SETD7: variants seen among roughly 807,000 people sequenced by gnomAD.
SETD7 encodes the protein histone-lysine N-methyltransferase SETD7.
SETD7 carries 16 observed loss-of-function variants against 41.8 expected under a neutral mutation model. That is an observed-to-expected ratio of 0.38 (90% CI 0.26 to 0.58). The LOEUF (loss-of-function observed/expected upper bound fraction) is 0.58. Ranked by LOEUF, SETD7 falls within the 20% of genes least tolerant of loss-of-function variation. The pLI is 0.64. For synonymous variants in SETD7, 163 were observed against 169.7 expected, an observed-to-expected ratio of 0.96 and a Z score of 0.31; for missense variants, 346 against 459.7, an observed-to-expected ratio of 0.75 and a Z score of 2.26.
In SETD7 at chr4:139,513,272, T is replaced by G. The variant is rs149618910; in HGVS notation, c.921-1429A>C. On this transcript the variant is annotated intron_variant, in intron 7 of 7. Coordinates refer to ENST00000274031, the MANE Select transcript of SETD7 (RefSeq NM_030648.4). ...CCATCTCTACTAAAAATGCAAAAAT[T>G]AGCTGGGTGTGGTGGCGCACACCTG... Among the ~76,000 whole-genome samples the G allele has an allele frequency of 3.0e-4, 46 of 151,770 alleles. No individual in the cohort carries two copies. The East Asian group carries it at 9.1e-3, about 30-fold the overall frequency.
At chr4:139,553,967 A>G (rs1218318006) in intron 1 of SETD7, among the ~76,000 whole-genome samples, 2 of 152,236 alleles carry the variant, frequency 1.3e-5, no homozygotes, top group African/African-American at 4.8e-5. Flanking sequence ...ACGCACAGGT[A>G]CGGTTTACTG....
exon 8 of SETD7, chr4:139,496,233 T>C (rs1405003000): frequency 3.7e-6 from 2 of 544,242 alleles, no homozygotes; most frequent in Non-Finnish European, 6.5e-6. Context: ...TTATTAGGTA[T>C]CTCTTTTCAG....
intron 5 of SETD7, among the ~76,000 whole-genome samples, chr4:139,520,904 C>A (rs998188634): frequency 2.6e-5 from 4 of 152,142 alleles, no homozygotes; most frequent in African/African-American, 9.7e-5. Flanking sequence ...GGGTTCATAA[C>A]AGGGGTCAGT....
At chr4:139,530,329 T>C (rs1727447020) in intron 3 of SETD7, among the ~76,000 whole-genome samples, 1 of 149,204 alleles carries the variant, frequency 6.7e-6, no homozygotes, top group South Asian at 2.1e-4. Flanking sequence ...TGATGTAGGA[T>C]GACTTTTGAG....
At chr4:139,543,886 C>A (rs1026171603) in intron 2 of SETD7, among the ~76,000 whole-genome samples, 1 of 151,866 alleles carries the variant, frequency 6.6e-6, no homozygotes, top group African/African-American at 2.4e-5. Flanking sequence ...ATGGTGTGAA[C>A]CCAGGAGGCG....
chr4:139,537,063 C>A (rs531242860), intron 2 of SETD7, among the ~76,000 whole-genome samples: 13 of 152,306 alleles, frequency 8.5e-5, no homozygotes, highest in African/African-American at 3.1e-4. Flanking sequence ...GCAACCTCTG[C>A]CTCCTAGGTT....
Position 139,511,631 on chromosome 4 carries a change from T to C in SETD7, c.*32A>G. 6.2e-7 allele frequency: 1 copy of C among 1,613,030 alleles called. No homozygotes were observed. Among genetic ancestry groups the C allele is most frequent in the Non-Finnish European group, 8.5e-7 (1 of 1,179,800 alleles). On this transcript the variant is annotated 3_prime_UTR_variant, in exon 8 of 8. Transcript: ENST00000274031. ...CGTAGTGCATAGATCCAAGTTTCTA[T>C]TCCAGGTCTCTGAACCCCAAAGCCA... is the stretch of plus-strand genomic sequence containing the variant.
chr4:139,524,044 A>ATCC (rs996176858), intron 4 of SETD7, among the ~76,000 whole-genome samples: 74 of 152,338 alleles, frequency 4.9e-4, no homozygotes, highest in African/African-American at 1.7e-3. Context: ...GCTTTAGAGA[A>ATCC]TCCTCACAGA....
chr4:139,498,949 A>T (rs1726518046), intron 7 of SETD7, among the ~76,000 whole-genome samples: 1 of 152,204 alleles, frequency 6.6e-6, no homozygotes, highest in South Asian at 2.1e-4. Flanking sequence ...TGTCTCTTTT[A>T]CAAATACAAA....
chr4:139,515,332 AAACT>A (rs1481140351), intron 7 of SETD7, among the ~76,000 whole-genome samples: 14 of 152,222 alleles, frequency 9.2e-5, no homozygotes, highest in African/African-American at 2.9e-4. Flanking sequence ...GCTTGCAAAC[AAACT>A]AACAAACAAC....
Position 139,533,471 on chromosome 4 carries a change from G to A in SETD7, c.171-105C>T. On this transcript the variant is annotated intron_variant, in intron 2 of 7. Transcript: ENST00000274031. ...CTGCATGCCCAGCTGTGTCAGCCCTGACATGGATTCAGCGCAGCCTCCTAA... is the reference window on the plus strand; with the variant it reads ...CTGCATGCCCAGCTGTGTCAGCCCTAACATGGATTCAGCGCAGCCTCCTAA... 6 of 968,600 alleles carry A rather than the reference G, an allele frequency of 6.2e-6. No individual in the cohort carries two copies. In the South Asian group the frequency reaches 7.7e-5, roughly 12 times the overall value. 60.0% of individuals were successfully genotyped at this position (968,600 alleles called of 1,614,324 possible). A position where few individuals can be genotyped will look rare whatever the true frequency, so the allele number is the denominator to read the frequency against.
Position 139,497,209 on chromosome 4 carries a change from C to T in SETD7, c.921-688G>A, listed in dbSNP as rs1481855071. Among the ~76,000 whole-genome samples the T allele has an allele frequency of 2.6e-5, 4 of 152,156 alleles. No individual in the cohort carries two copies. In the South Asian group the frequency reaches 6.2e-4, roughly 24 times the overall value. On this transcript the variant is annotated intron_variant, in intron 7 of 7. Transcript: ENST00000506866. ...GTGGCTCACGCCTGTAATCCCAGCACTTTGGGAGGCCGAGGTGGGCGAATC... is the reference window on the plus strand; with the variant it reads ...GTGGCTCACGCCTGTAATCCCAGCATTTTGGGAGGCCGAGGTGGGCGAATC...
intron 2 of SETD7, 124 bp from the exon 3 acceptor site, chr4:139,533,490 C>A: frequency 1.3e-6 from 1 of 770,798 alleles, no homozygotes; most frequent in East Asian, 2.7e-5. Context: ...TCAGCGCAGC[C>A]TCCTAAATTA....
chr4:139,500,715 G>A (rs945190012), intron 7 of SETD7, among the ~76,000 whole-genome samples: 1 of 152,194 alleles, frequency 6.6e-6, no homozygotes, highest in African/African-American at 2.4e-5. Context: ...TGCCATGTTG[G>A]CAAGGCTGGT....
rs771610750 is a variant in SETD7 at position 139,520,359 on chromosome 4, C to T, written c.680G>A (p.Gly227Glu). The change falls in exon 6 of 8, where the codon GGA (glycine) becomes GAA (glutamate). Residue 227 changes from glycine to glutamate, a missense_variant. Physicochemically the swap from Gly to Glu is moderately conservative, Grantham distance 98. Coordinates refer to ENST00000274031, the MANE Select transcript of SETD7 (RefSeq NM_030648.4). Reference sequence around the variant, plus strand: ...AGCTACCTTTGAAAAAAGTCCTTCTCCAGCACTGGAAATAAGAGATTCAGC... The same window carrying T: ...AGCTACCTTTGAAAAAAGTCCTTCTTCAGCACTGGAAATAAGAGATTCAGC... ...YVAESLISSA[G>E]EGLFSKVAVG... 3.7e-6 allele frequency: 6 copies of T among 1,609,266 alleles called. No individual in the cohort carries two copies. The highest frequency in any genetic ancestry group is 5.1e-6 in the Non-Finnish European group (6 of 1,177,610).
At chr4:139,505,604 C>A (rs373090797), downstream of SETD7, among the ~76,000 whole-genome samples, 1 of 151,342 alleles carries the variant, frequency 6.6e-6, no homozygotes, top group Non-Finnish European at 1.5e-5. Flanking sequence ...AAAAAAAAAA[C>A]GGAAATGTTG....
At position 139,546,937 on chromosome 4, in the gene SETD7, G is replaced by C. The variant is rs1330289263; in HGVS notation, c.153C>G (p.Phe51Leu). ...AGTGCTACCTGCCATCAAAGAAGAA[G>C]AACTTCCCCCGTCCGTTCTTTTCTC... ...VHGEKNGRGKFFFFDGSTLEG... is the reference protein window; with the variant it reads ...VHGEKNGRGKLFFFDGSTLEG... The change falls in exon 2 of 8, where the codon TTC (phenylalanine) becomes TTG (leucine). Residue 51 changes from phenylalanine to leucine, a missense_variant. By Grantham distance (22) the Phe-to-Leu change is conservative. Coordinates refer to ENST00000274031, the MANE Select transcript of SETD7 (RefSeq NM_030648.4). 6.2e-7 allele frequency: 1 copy of C among 1,614,054 alleles called. No homozygotes were observed. Among genetic ancestry groups the C allele is most frequent in the African/African-American group, 1.3e-5 (1 of 74,900 alleles).
intron 6 of SETD7, among the ~76,000 whole-genome samples, 155 bp downstream of exon 6, chr4:139,520,122 G>A (rs561347075): frequency 1.3e-5 from 2 of 152,146 alleles, no homozygotes; most frequent in East Asian, 3.9e-4. Context: ...ATCGTATTAA[G>A]GCTTAAAATA....
At position 139,544,595 on chromosome 4, in the gene SETD7, G is replaced by A. The variant is rs142464458; in HGVS notation, c.170+2325C>T. Among the ~76,000 whole-genome samples, 5 of 152,222 alleles carry A rather than the reference G, an allele frequency of 3.3e-5. No homozygotes were observed. In the East Asian group the frequency reaches 9.7e-4, roughly 29 times the overall value. On this transcript the variant is annotated intron_variant, in intron 2 of 7. Coordinates refer to ENST00000274031, the MANE Select transcript of SETD7 (RefSeq NM_030648.4). Reference sequence around the variant, plus strand: ...CCCCACTTTGCTATCTTACCCTAGGGCTGAGGGGATCAGCATCTTGAAGCT... The same window carrying A: ...CCCCACTTTGCTATCTTACCCTAGGACTGAGGGGATCAGCATCTTGAAGCT...
Sources: gnomAD v4.1 joint callset for allele counts (sites outside exome capture counted in the v4.1 genomes callset) on GRCh38, gnomAD v4.1.1 for gene constraint, MANE v1.5 for transcripts, NCBI Gene and HGNC (gene_info 2026-07-23, HGNC 2026-07-21) for gene names.